Variants in TANC2 observed in about 807,000 individuals in gnomAD.
TANC2 encodes the protein tetratricopeptide repeat, ankyrin repeat and coiled-coil containing 2.
In TANC2, 26 loss-of-function variants were observed where a neutral mutation model predicts 210.5. The observed-to-expected ratio is 0.12, with a 90% CI of 0.09 to 0.17. The LOEUF (loss-of-function observed/expected upper bound fraction) is 0.17, where lower values mean the gene tolerates loss of function less well. TANC2 is among the 10% of genes least tolerant of loss of function. The probability of loss-of-function intolerance (pLI) is 1.00; values close to 1 mark genes in which losing one functional copy is unlikely to be tolerated. For synonymous variants in TANC2, 931 were observed against 967.1 expected (o/e 0.96, Z 0.69); for missense variants, 2,129 against 2,608.9 (o/e 0.82, Z 4.01).
chr17:62,988,367 A>G (rs7211685), intron 1 of TANC2, among the ~76,000 whole-genome samples: 79,950 of 148,028 alleles, frequency 0.54, 22,917 homozygotes, highest in African/African-American at 0.74. Flanking sequence ...TGAATGCCTC[A>G]CCTTAAGTGA....
At chr17:63,347,600 T>G (rs1166688210) in intron 12 of TANC2, among the ~76,000 whole-genome samples, 2 of 152,196 alleles carry the variant, frequency 1.3e-5, no homozygotes, top group African/African-American at 4.8e-5. Flanking sequence ...TGTATTTTCT[T>G]TGAAAAATGA....
At chr17:63,007,828 T>TC (rs2033688901) in intron 1 of TANC2, among the ~76,000 whole-genome samples, 1 of 152,102 alleles carries the variant, frequency 6.6e-6, no homozygotes, top group South Asian at 2.1e-4. Context: ...TATTTACCCT[T>TC]CCTATGGCTC....
At chr17:63,194,679 T>C (rs2041285384) in intron 6 of TANC2, among the ~76,000 whole-genome samples, 1 of 152,216 alleles carries the variant, frequency 6.6e-6, no homozygotes, top group Admixed American at 6.5e-5. Flanking sequence ...AGTTTTTTTA[T>C]ACTTAGTTTT....
chr17:63,305,342 G>A (rs2044866267), intron 9 of TANC2: 1 of 151,836 alleles, frequency 6.6e-6, no homozygotes, highest in South Asian at 2.1e-4. Flanking sequence ...GTGGCTCTCA[G>A]GTGGGCCGCC....
chr17:63,120,910 G>A (rs750805134), intron 4 of TANC2: 5 of 149,324 alleles, frequency 3.3e-5, no homozygotes, highest in Admixed American at 2.7e-4. Flanking sequence ...TTACTTTTTT[G>A]GGGGGAGGGA....
In TANC2 at chr17:63,416,241, C is replaced by T. The variant is rs1433249806; in HGVS notation, c.4167+567C>T. On this transcript the variant is annotated intron_variant, in intron 26 of 27. Transcript: ENST00000689528. ...CCTTTATCGTCTCCCTGGTAAGCCA[C>T]GGTCCTTCCTGCCTACCTTGCAGAC... Among the ~76,000 whole-genome samples the T allele has an allele frequency of 3.9e-5, 6 of 152,302 alleles. No individual in the cohort carries two copies. The East Asian group carries it at 9.7e-4, about 25-fold the overall frequency.
intron 11 of TANC2, among the ~76,000 whole-genome samples, chr17:63,329,142 A>G (rs1316736039): frequency 6.6e-6 from 1 of 152,106 alleles, no homozygotes; most frequent in Non-Finnish European, 1.5e-5. Flanking sequence ...AAAAATAGTT[A>G]TTTTCATAAA....
At chr17:63,135,762 C>T (rs2039069292) in intron 4 of TANC2, among the ~76,000 whole-genome samples, 1 of 152,020 alleles carries the variant, frequency 6.6e-6, no homozygotes, top group Admixed American at 6.6e-5. Context: ...TAGAATTGCT[C>T]GTGTCAGTAA....
At chr17:63,346,713 C>G (rs920809363) in intron 12 of TANC2, among the ~76,000 whole-genome samples, 2 of 151,888 alleles carry the variant, frequency 1.3e-5, no homozygotes, top group African/African-American at 4.8e-5. Flanking sequence ...TTGTCAGTTT[C>G]TTTTTTTTGA....
intron 4 of TANC2, among the ~76,000 whole-genome samples, chr17:63,107,715 A>G (rs1043256760): frequency 2.6e-5 from 4 of 151,804 alleles, no homozygotes; most frequent in Admixed American, 6.5e-5. Context: ...CAGTCACAAA[A>G]GAACATATGT....
chr17:63,323,704 A>G (rs2045564122), intron 11 of TANC2, among the ~76,000 whole-genome samples: 1 of 152,154 alleles, frequency 6.6e-6, no homozygotes. Context: ...CCTTAACCCT[A>G]TGAGGTACAT....
chr17:63,214,326 C>G, intron 7 of TANC2, among the ~76,000 whole-genome samples: 1 of 152,204 alleles, frequency 6.6e-6, no homozygotes, highest in East Asian at 1.9e-4. Context: ...TAGCCAATCC[C>G]TCAGTCTGAA....
chr17:63,257,834 G>A (rs950244822), intron 8 of TANC2, among the ~76,000 whole-genome samples: 1 of 152,074 alleles, frequency 6.6e-6, no homozygotes, highest in African/African-American at 2.4e-5. Context: ...TACTATCTAT[G>A]TCTTGAAAAG....
chr17:63,419,480 A>G (rs1659355757), intron 27 of TANC2, among the ~76,000 whole-genome samples: 1 of 152,234 alleles, frequency 6.6e-6, no homozygotes, highest in African/African-American at 2.4e-5. Flanking sequence ...AAATGGAGAC[A>G]CAGCAATTCT....
At chr17:63,076,012 G>A (rs569476415) in intron 3 of TANC2, among the ~76,000 whole-genome samples, 11 of 152,196 alleles carry the variant, frequency 7.2e-5, no homozygotes, top group Non-Finnish European at 1.5e-4. Flanking sequence ...ATTGAAAACT[G>A]AACTCCAACA....
rs374621938 is a variant in TANC2, at chr17:63,350,876, G to GA, written c.1808-356dup. ...ATTCTCTTTAATGCTGTCAGATAGG[G>GA]AAAAAAAAAAAAAAAAAACAGAACA... is the stretch of plus-strand genomic sequence containing the variant. On this transcript the variant is annotated intron_variant, in intron 12 of 27. Transcript: ENST00000689528. Among the ~76,000 whole-genome samples the GA allele has an allele frequency of 6.5e-3, 792 of 121,338 alleles. 3 individuals carry two copies. Among genetic ancestry groups the GA allele is most frequent in the East Asian group, 0.048 (175 of 3,638 alleles). 79.6% of individuals were successfully genotyped at this position (121,338 alleles called of 152,430 possible). A position where few individuals can be genotyped will look rare whatever the true frequency, so the allele number is the denominator to read the frequency against.
intron 17 of TANC2, among the ~76,000 whole-genome samples, chr17:63,394,906 C>T (rs1332377341): frequency 6.6e-6 from 1 of 152,186 alleles, no homozygotes; most frequent in African/African-American, 2.4e-5. Context: ...TGGTACTTTG[C>T]CACATACTCT....
At chr17:63,134,374 A>C (rs2039019561) in intron 4 of TANC2, among the ~76,000 whole-genome samples, 1 of 152,210 alleles carries the variant, frequency 6.6e-6, no homozygotes, top group Admixed American at 6.5e-5. Flanking sequence ...CTAATTTTAC[A>C]GAAATATGTT....
At position 63,246,360 on chromosome 17, in the gene TANC2, A is replaced by G. The variant is rs1263379776; in HGVS notation, c.1033+8283A>G. Among the ~76,000 whole-genome samples the G allele has an allele frequency of 3.9e-5, 6 of 152,148 alleles. No individual in the cohort carries two copies. In the South Asian group the frequency reaches 1.2e-3, roughly 32 times the overall value. On this transcript the variant is annotated intron_variant, in intron 8 of 27. Coordinates refer to ENST00000689528, the Ensembl canonical transcript of TANC2. ...TATATTATAAAATTCACCCATTTCAAGTGTACAATTCAGTAATGTTTAGTA... is the reference window on the plus strand; with the variant it reads ...TATATTATAAAATTCACCCATTTCAGGTGTACAATTCAGTAATGTTTAGTA...
Sources: gnomAD v4.1 joint callset for allele counts (sites outside exome capture counted in the v4.1 genomes callset) on GRCh38, gnomAD v4.1.1 for gene constraint, MANE v1.5 for transcripts, NCBI Gene and HGNC (gene_info 2026-07-23, HGNC 2026-07-21) for gene names.